The following SMYD3 variants were observed in gnomAD, a reference collection of about 807,000 sequenced individuals.
The protein encoded by SMYD3 is histone-lysine N-methyltransferase SMYD3.
Under a neutral mutation model 57.7 loss-of-function variants are expected in SMYD3, and 36 were observed. The observed-to-expected ratio is 0.62, with a 90% confidence interval of 0.48 to 0.82. The LOEUF is 0.82. Ranked by LOEUF, SMYD3 falls within the 40% of genes least tolerant of loss-of-function variation. The probability of loss-of-function intolerance (pLI) is 0.00; values close to 1 mark genes in which losing one functional copy is unlikely to be tolerated. For synonymous variants in SMYD3, 211 were observed against 195.0 expected (o/e 1.08, Z -0.68); for missense variants, 515 against 538.8 (o/e 0.96, Z 0.44).
intron 1 of SMYD3, among the ~76,000 whole-genome samples, chr1:246,473,172 A>G (rs2067983162): frequency 6.6e-6 from 1 of 152,118 alleles, no homozygotes; most frequent in African/African-American, 2.4e-5. Context: ...AATCTTTTTC[A>G]TTCCCTCATT....
chr1:245,948,849 A>T (rs967844727), intron 5 of SMYD3, among the ~76,000 whole-genome samples: 1 of 151,702 alleles, frequency 6.6e-6, no homozygotes, highest in Non-Finnish European at 1.5e-5. Flanking sequence ...CAAAGCACAC[A>T]CTCTTCAGGA....
rs1484929551 is a variant in SMYD3 at position 245,764,048 on chromosome 1, A to G, written c.1178T>C (p.Leu393Pro). The change falls in exon 11 of 12, where the codon CTG becomes CCG. Residue 393 changes from leucine to proline, a missense_variant. Transcript: ENST00000490107. ...QGMFPQAMKNLRLAFDIMRVT... is the reference protein window; with the variant it reads ...QGMFPQAMKNPRLAFDIMRVT... Reference sequence around the variant, plus strand: ...AGATCTTGGCACACTCACCAGTCTCAGATTCTTCATTGCTTGGGGAAACAT... The same window carrying G: ...AGATCTTGGCACACTCACCAGTCTCGGATTCTTCATTGCTTGGGGAAACAT... The G allele has an allele frequency of 6.2e-7, 1 of 1,612,510 alleles. No homozygotes were observed. The highest frequency in any genetic ancestry group is 1.1e-5 in the South Asian group (1 of 91,040).
chr1:246,258,783 A>G (rs2063944289), intron 5 of SMYD3, among the ~76,000 whole-genome samples: 1 of 151,818 alleles, frequency 6.6e-6, no homozygotes, highest in Non-Finnish European at 1.5e-5. Flanking sequence ...AGCTTAGGGA[A>G]ATTTTCTTTA....
At chr1:246,369,343 C>A (rs1026772228) in intron 1 of SMYD3, among the ~76,000 whole-genome samples, 1 of 152,108 alleles carries the variant, frequency 6.6e-6, no homozygotes, top group South Asian at 2.1e-4. Context: ...ATTTTATAAA[C>A]CTTTGAATGT....
chr1:246,132,838 T>C (rs1056500197), intron 5 of SMYD3, among the ~76,000 whole-genome samples: 2 of 152,100 alleles, frequency 1.3e-5, no homozygotes, highest in African/African-American at 4.8e-5. Flanking sequence ...AACAGATATT[T>C]CTCCAAAGAA....
At chr1:246,429,083 C>T (rs1009468627) in intron 1 of SMYD3, among the ~76,000 whole-genome samples, 1 of 147,848 alleles carries the variant, frequency 6.8e-6, no homozygotes, top group Non-Finnish European at 1.5e-5. Context: ...GAACCAACCA[C>T]CGTAGACAGG....
intron 5 of SMYD3, among the ~76,000 whole-genome samples, chr1:246,021,636 A>G (rs905702518): frequency 3.3e-5 from 5 of 152,154 alleles, no homozygotes; most frequent in Non-Finnish European, 5.9e-5. Flanking sequence ...ATTCATCATT[A>G]TATTATTGAT....
intron 5 of SMYD3, among the ~76,000 whole-genome samples, chr1:246,085,528 A>C (rs1299040797): frequency 6.6e-6 from 1 of 152,180 alleles, no homozygotes; most frequent in African/African-American, 2.4e-5. Flanking sequence ...CCCAGAAGAA[A>C]GGGGCATCCT....
chr1:246,378,192 GAATAT>G (rs549714902), intron 1 of SMYD3, among the ~76,000 whole-genome samples: 18 of 152,324 alleles, frequency 1.2e-4, no homozygotes, highest in African/African-American at 3.8e-4. Flanking sequence ...CACTATGAAA[GAATAT>G]AATACTGTAA....
At chr1:245,921,989 T>C (rs1558497395) in intron 7 of SMYD3, among the ~76,000 whole-genome samples, 1 of 152,102 alleles carries the variant, frequency 6.6e-6, no homozygotes, top group Admixed American at 6.5e-5. Context: ...AAAATAAAAG[T>C]TGAAATTATT....
intron 10 of SMYD3, among the ~76,000 whole-genome samples, chr1:245,791,564 C>G (rs1408940473): frequency 1.4e-5 from 2 of 141,198 alleles, no homozygotes; most frequent in Non-Finnish European, 3.0e-5. Context: ...CTGTAAGTAA[C>G]AAGTTTATCT....
intron 5 of SMYD3, among the ~76,000 whole-genome samples, chr1:246,307,513 G>C (rs551224219): frequency 6.8e-6 from 1 of 146,484 alleles, no homozygotes; most frequent in South Asian, 2.2e-4. Context: ...TCCGCCTCCC[G>C]GGTTCACGCC....
At chr1:245,913,737 TAATATCCA>T (rs2055193704) in intron 8 of SMYD3, among the ~76,000 whole-genome samples, 1 of 152,102 alleles carries the variant, frequency 6.6e-6, no homozygotes, top group Non-Finnish European at 1.5e-5. Flanking sequence ...AAAAAGGAAC[TAATATCCA>T]GAATATACAA....
chr1:245,806,841 C>T (rs955164301), intron 10 of SMYD3, among the ~76,000 whole-genome samples: 2 of 128,808 alleles, frequency 1.6e-5, no homozygotes, highest in South Asian at 2.6e-4. Flanking sequence ...ACCCGGGAGG[C>T]GGAGCTTGCA....
chr1:245,836,418 T>C (rs557983210), intron 10 of SMYD3, among the ~76,000 whole-genome samples: 4 of 152,182 alleles, frequency 2.6e-5, no homozygotes, highest in Admixed American at 1.3e-4. Flanking sequence ...GGGCTGGCCA[T>C]AGGGAGCCGT....
chr1:246,081,289 TA>T (rs1161598635), intron 5 of SMYD3, among the ~76,000 whole-genome samples: 1 of 152,238 alleles, frequency 6.6e-6, no homozygotes, highest in South Asian at 2.1e-4. Flanking sequence ...CTGTGGTATC[TA>T]AATAGAAGCT....
At chr1:246,166,768 C>T (rs2062220392) in intron 5 of SMYD3, among the ~76,000 whole-genome samples, 1 of 152,150 alleles carries the variant, frequency 6.6e-6, no homozygotes, top group Non-Finnish European at 1.5e-5. Context: ...CGCGGGATAA[C>T]TTAGTCATTA....
intron 5 of SMYD3, among the ~76,000 whole-genome samples, chr1:246,183,915 A>T (rs1033702553): frequency 6.6e-6 from 1 of 152,254 alleles, no homozygotes; most frequent in Non-Finnish European, 1.5e-5. Flanking sequence ...AGGTATTACT[A>T]AAAGGATTTA....
chr1:245,777,178 G>T (rs764629199), intron 10 of SMYD3, among the ~76,000 whole-genome samples: 1 of 152,176 alleles, frequency 6.6e-6, no homozygotes, highest in Non-Finnish European at 1.5e-5. Flanking sequence ...AGTAACAGCA[G>T]TTCATACAGT....
Sources: allele counts gnomAD v4.1 joint callset (sites outside exome capture counted in the v4.1 genomes callset), GRCh38; gene constraint gnomAD v4.1.1; transcripts MANE v1.5; gene names NCBI Gene and HGNC (gene_info 2026-07-23, HGNC 2026-07-21).